PLCL2: variants seen among roughly 807,000 people sequenced by gnomAD.
PLCL2 encodes phospholipase C like 2.
In PLCL2, 4 loss-of-function variants were observed where a neutral mutation model predicts 79.6. The observed-to-expected ratio is 0.05, with a 90% CI of 0.02 to 0.11. PLCL2 has a LOEUF of 0.11. PLCL2 is among the 10% of genes least tolerant of loss of function. The probability of loss-of-function intolerance (pLI) is 1.00; values close to 1 mark genes in which losing one functional copy is unlikely to be tolerated. For synonymous variants in PLCL2, 484 were observed against 457.7 expected, an observed-to-expected ratio of 1.06 and a Z score of -0.73; for missense variants, 895 against 1,291.0, an observed-to-expected ratio of 0.69 and a Z score of 4.70.
At chr3:16,894,593 T>G (rs1696428946) in intron 1 of PLCL2, among the ~76,000 whole-genome samples, 1 of 152,222 alleles carries the variant, frequency 6.6e-6, no homozygotes, top group African/African-American at 2.4e-5. Flanking sequence ...TGCACACATT[T>G]GGTATTATCA....
At position 16,887,356 on chromosome 3, in the gene PLCL2, G is replaced by A. The variant is rs1444970668; in HGVS notation, c.327+1990G>A. Among the ~76,000 whole-genome samples, 1 of 152,208 alleles carries A rather than the reference G, an allele frequency of 6.6e-6. No homozygotes were observed. Among genetic ancestry groups the A allele is most frequent in the Non-Finnish European group, 1.5e-5 (1 of 68,024 alleles). On this transcript the variant is annotated intron_variant, in intron 1 of 5. Transcript: ENST00000615277. This position sits in a 1 kb window ranked among gnomAD's most constrained non-coding sequence, Gnocchi z 4.1. ...ATAAATTGCTTATTGAATGAATGGA[G>A]AAAGTACATGTTTTCTCTGAGTTCT...
chr3:16,923,184 CT>C (rs1239896056), intron 1 of PLCL2, among the ~76,000 whole-genome samples: 2 of 152,146 alleles, frequency 1.3e-5, no homozygotes, highest in African/African-American at 4.8e-5. Flanking sequence ...GGGTCTCAGT[CT>C]TTTGTCTCCT....
intron 1 of PLCL2, among the ~76,000 whole-genome samples, chr3:16,896,019 T>C (rs564893712): frequency 2.6e-5 from 4 of 152,202 alleles, no homozygotes; most frequent in Non-Finnish European, 5.9e-5. Flanking sequence ...GGTTGGTGAT[T>C]CCAAATGTGG....
At chr3:17,034,454 G>A (rs1334193866) in intron 3 of PLCL2, among the ~76,000 whole-genome samples, 5 of 152,128 alleles carry the variant, frequency 3.3e-5, no homozygotes, top group Non-Finnish European at 5.9e-5. Flanking sequence ...CCAAATGCAC[G>A]GCAATATTTG....
chr3:17,090,257 T>A lies in PLCL2; in HGVS notation c.*345T>A, dbSNP rs570026307. Reference sequence around the variant, plus strand: ...TTTCTTAAGATGGAAATGGATTGGATTGTCAAATTATTATTTATTGGAGAA... The same window carrying A: ...TTTCTTAAGATGGAAATGGATTGGAATGTCAAATTATTATTTATTGGAGAA... On this transcript the variant is annotated 3_prime_UTR_variant, in exon 6 of 6. Coordinates refer to ENST00000615277, the MANE Select transcript of PLCL2 (RefSeq NM_001144382.2). 2 of 991,140 alleles carry A rather than the reference T, an allele frequency of 2.0e-6. No individual in the cohort carries two copies. Among genetic ancestry groups the A allele is most frequent in the South Asian group, 4.7e-5 (1 of 21,460 alleles). 61.4% of individuals were successfully genotyped at this position (991,140 alleles called of 1,614,324 possible). A position where few individuals can be genotyped will look rare whatever the true frequency, so the allele number is the denominator to read the frequency against.
At chr3:16,893,739 TA>T (rs895934883) in intron 1 of PLCL2, among the ~76,000 whole-genome samples, 24 of 152,326 alleles carry the variant, frequency 1.6e-4, no homozygotes, top group African/African-American at 4.3e-4. Flanking sequence ...TCTTCTAGAT[TA>T]AAAAAATAGC....
chr3:17,005,479 C>G (rs987972192), intron 1 of PLCL2, among the ~76,000 whole-genome samples: 1 of 152,134 alleles, frequency 6.6e-6, no homozygotes, highest in Non-Finnish European at 1.5e-5. Flanking sequence ...TTAGTGACAG[C>G]CTTCTATTAA....
At chr3:17,076,677 G>A (rs1320068273) in intron 5 of PLCL2, among the ~76,000 whole-genome samples, 3 of 151,888 alleles carry the variant, frequency 2.0e-5, no homozygotes, top group African/African-American at 4.8e-5. Flanking sequence ...TAATTTGTAC[G>A]TTTTTTGTAG....
intron 1 of PLCL2, among the ~76,000 whole-genome samples, chr3:16,943,105 A>G (rs2063567083): frequency 6.6e-6 from 1 of 152,198 alleles, no homozygotes; most frequent in African/African-American, 2.4e-5. Flanking sequence ...TCCTCCTTTT[A>G]AACATTATTA....
intron 1 of PLCL2, among the ~76,000 whole-genome samples, chr3:16,923,409 G>C (rs571919762): frequency 2.6e-5 from 4 of 152,226 alleles, no homozygotes; most frequent in Non-Finnish European, 5.9e-5. Flanking sequence ...AGACCAGTGA[G>C]AGTGGCCAGG....
chr3:16,961,740 G>C (rs2063756182), intron 1 of PLCL2, among the ~76,000 whole-genome samples: 1 of 152,200 alleles, frequency 6.6e-6, no homozygotes, highest in Non-Finnish European at 1.5e-5. Flanking sequence ...TAAGAGACAG[G>C]CTCATTGAAT....
rs543864867 is a variant in PLCL2 at position 16,959,500 on chromosome 3, C to G, written c.328-50174C>G. ...ATTATCTGTCTCAATTCTCTTCCAC[C>G]TTTCATAGTCTTCCTAGCCTTCCTT... On this transcript the variant is annotated intron_variant, in intron 1 of 5. Transcript: ENST00000615277. Among the ~76,000 whole-genome samples, 10 of 152,222 alleles carry G rather than the reference C, an allele frequency of 6.6e-5. No homozygotes were observed. In the East Asian group the frequency reaches 1.9e-3, roughly 29 times the overall value.
chr3:16,941,729 A>G (rs1262965526), intron 1 of PLCL2, among the ~76,000 whole-genome samples: 2 of 152,120 alleles, frequency 1.3e-5, no homozygotes, highest in Non-Finnish European at 2.9e-5. Flanking sequence ...CACCGCAACT[A>G]TCTCTCACCC....
At chr3:17,081,951 C>T (rs1302644529) in intron 5 of PLCL2, among the ~76,000 whole-genome samples, 5 of 152,164 alleles carry the variant, frequency 3.3e-5, no homozygotes, top group African/African-American at 7.2e-5. Context: ...CCAGAATGTG[C>T]GAAATCAAAT....
intron 1 of PLCL2, among the ~76,000 whole-genome samples, chr3:16,996,303 C>T (rs747792377): frequency 1.3e-5 from 2 of 151,958 alleles, no homozygotes; most frequent in African/African-American, 4.8e-5. Context: ...TAGGCCTTCC[C>T]GTAGGCGAGA....
chr3:16,997,631 G>A (rs555427541), intron 1 of PLCL2, among the ~76,000 whole-genome samples: 89 of 150,224 alleles, frequency 5.9e-4, no homozygotes, highest in African/African-American at 1.7e-3. Flanking sequence ...CTCCACCTCC[G>A]GGGTTCAAGC....
chr3:17,017,338 C>G (rs1449443903), intron 3 of PLCL2, among the ~76,000 whole-genome samples: 8 of 152,080 alleles, frequency 5.3e-5, no homozygotes, highest in Non-Finnish European at 1.2e-4. Flanking sequence ...TCGATATGTT[C>G]TGTTAATTCC....
At chr3:17,051,564 A>G (rs1268733059) in intron 4 of PLCL2, among the ~76,000 whole-genome samples, 1 of 152,114 alleles carries the variant, frequency 6.6e-6, no homozygotes, top group East Asian at 1.9e-4. Flanking sequence ...CACAGTGGAG[A>G]ATTGTTAGTA....
chr3:17,017,867 T>G (rs530579138), intron 3 of PLCL2, among the ~76,000 whole-genome samples: 1 of 152,326 alleles, frequency 6.6e-6, no homozygotes, highest in East Asian at 1.9e-4. Flanking sequence ...CTAGTTTCTT[T>G]GTGAAAACGG....
Sources: gnomAD v4.1 joint callset for allele counts (sites outside exome capture counted in the v4.1 genomes callset) on GRCh38, gnomAD v4.1.1 for gene constraint, Gnocchi (gnomAD v3.1) non-coding constraint, MANE v1.5 for transcripts, NCBI Gene and HGNC (gene_info 2026-07-23, HGNC 2026-07-21) for gene names.